DIAPH3: variants seen among roughly 807,000 people sequenced by gnomAD.
DIAPH3 encodes the protein diaphanous related formin 3, also known as protein diaphanous homolog 3.
DIAPH3 carries 117 observed loss-of-function variants against 144.3 expected under a neutral mutation model. The ratio of observed to expected loss-of-function variants is 0.81; its 90% CI spans 0.70 to 0.95. The LOEUF is 0.95. Among genes scored for constraint, DIAPH3 ranks in the 40% least tolerant of loss-of-function variants. The pLI is 0.00. For synonymous variants in DIAPH3, 519 were observed against 488.9 expected (o/e 1.06, Z -0.81); for missense variants, 1,421 against 1,412.7 (o/e 1.01, Z -0.09).
At chr13:60,094,001 TATAG>T (rs1408455067) in intron 3 of DIAPH3, among the ~76,000 whole-genome samples, 1 of 152,214 alleles carries the variant, frequency 6.6e-6, no homozygotes, top group African/African-American at 2.4e-5. Flanking sequence ...TTCACATAAC[TATAG>T]ATAATTAGAC....
At chr13:59,787,209 T>TA (rs986571585) in intron 25 of DIAPH3, among the ~76,000 whole-genome samples, 3 of 152,140 alleles carry the variant, frequency 2.0e-5, no homozygotes, top group African/African-American at 7.2e-5. Context: ...AGTAGAAGAT[T>TA]AAAAAAATGT....
chr13:59,782,966 G>T (rs1176745360), intron 25 of DIAPH3, among the ~76,000 whole-genome samples: 1 of 152,158 alleles, frequency 6.6e-6, no homozygotes, highest in Non-Finnish European at 1.5e-5. Flanking sequence ...GAGAGCCGGG[G>T]CCAACTCACC....
intron 17 of DIAPH3, among the ~76,000 whole-genome samples, chr13:59,948,664 T>C (rs1385162407): frequency 1.3e-5 from 2 of 152,140 alleles, no homozygotes; most frequent in African/African-American, 4.8e-5. Flanking sequence ...TTTTGCTATA[T>C]TGCCCAAGCT....
At chr13:59,803,630 G>A (rs1593905091) in intron 25 of DIAPH3, among the ~76,000 whole-genome samples, 1 of 152,126 alleles carries the variant, frequency 6.6e-6, no homozygotes, top group African/African-American at 2.4e-5. Flanking sequence ...AGTTATGTTG[G>A]AAGTCTGAGA....
At chr13:59,772,338 A>C (rs1330284653) in intron 27 of DIAPH3, among the ~76,000 whole-genome samples, 1 of 152,078 alleles carries the variant, frequency 6.6e-6, no homozygotes, top group African/African-American at 2.4e-5. Context: ...TAGAAATATG[A>C]AGGGAAAACA....
rs142949321 is a variant in DIAPH3, at chr13:60,066,737, A to G, written c.496-23917T>C. On this transcript the variant is annotated intron_variant, in intron 4 of 27. Coordinates refer to ENST00000400324, the MANE Select transcript of DIAPH3 (RefSeq NM_001042517.2). ...ATTAGAATTCTTGTGAAAATCAGAA[A>G]TGGCACATGCCATATGAATTTTAAA... 3.5e-3 allele frequency among the ~76,000 whole-genome samples: 536 copies of G among 152,358 alleles called. 4 individuals are homozygous for G. The highest frequency in any genetic ancestry group is 0.013 in the African/African-American group (521 of 41,580).
In DIAPH3 at chr13:59,974,464, A is replaced by T. The variant is rs549572082; in HGVS notation, c.1546-8T>A. The T allele has an allele frequency of 6.2e-7, 1 of 1,600,792 alleles. No homozygotes were observed. Among genetic ancestry groups the T allele is most frequent in the South Asian group, 1.1e-5 (1 of 90,804 alleles). On this transcript the variant is annotated splice_polypyrimidine_tract_variant and splice_region_variant and intron_variant, in intron 14 of 27. Coordinates refer to ENST00000400324, the MANE Select transcript of DIAPH3 (RefSeq NM_001042517.2). ...GGTAAACTCTTTTTCAAACTGAAAC[A>T]AATTAAAAATAATAACAAAAACAGG...
chr13:60,009,933 C>G (rs771460592), intron 8 of DIAPH3, among the ~76,000 whole-genome samples: 10 of 151,944 alleles, frequency 6.6e-5, no homozygotes, highest in Non-Finnish European at 1.5e-4. Context: ...TAATTAGAAC[C>G]CTAATTTTTA....
intron 27 of DIAPH3, among the ~76,000 whole-genome samples, chr13:59,729,214 C>A (rs751856193): frequency 3.3e-5 from 5 of 152,180 alleles, no homozygotes; most frequent in Non-Finnish European, 7.3e-5. Flanking sequence ...AGCCAGCACT[C>A]ATCTTGGCAG....
chr13:60,114,273 A>G (rs79013060), intron 2 of DIAPH3, among the ~76,000 whole-genome samples: 1 of 88,508 alleles, frequency 1.1e-5, no homozygotes, highest in East Asian at 2.4e-4. Context: ...ACAGATTAAG[A>G]AAAAAAAAAA....
At chr13:59,802,152 T>G (rs1449790386) in intron 25 of DIAPH3, among the ~76,000 whole-genome samples, 1 of 152,172 alleles carries the variant, frequency 6.6e-6, no homozygotes, top group Admixed American at 6.5e-5. Flanking sequence ...CACACTGATA[T>G]TTCCATCTTG....
intron 27 of DIAPH3, among the ~76,000 whole-genome samples, chr13:59,732,232 T>C (rs1393837021): frequency 7.6e-6 from 1 of 131,496 alleles, no homozygotes; most frequent in Non-Finnish European, 1.6e-5. Context: ...TTATATTCAG[T>C]ATCTCAAGTA....
chr13:59,762,225 C>T (rs969380716), intron 27 of DIAPH3, among the ~76,000 whole-genome samples: 2 of 151,882 alleles, frequency 1.3e-5, no homozygotes, highest in East Asian at 1.9e-4. Context: ...CCACACCCAG[C>T]TAATTTTTTG....
chr13:59,806,548 T>C (rs1163249438), intron 25 of DIAPH3, among the ~76,000 whole-genome samples: 2 of 152,006 alleles, frequency 1.3e-5, no homozygotes, highest in African/African-American at 4.8e-5. Flanking sequence ...ATTTTGTTAC[T>C]ACCACCAGCC....
intron 25 of DIAPH3, among the ~76,000 whole-genome samples, chr13:59,801,042 A>G (rs1752654309): frequency 6.6e-6 from 1 of 152,204 alleles, no homozygotes; most frequent in Admixed American, 6.5e-5. Flanking sequence ...TTAAAAAAGT[A>G]CTTTTATTCA....
At chr13:59,932,547 AC>A (rs1743138815) in intron 17 of DIAPH3, among the ~76,000 whole-genome samples, 1 of 152,176 alleles carries the variant, frequency 6.6e-6, no homozygotes, top group African/African-American at 2.4e-5. Context: ...TTAAAAAAAA[AC>A]AAATACAAGC....
intron 20 of DIAPH3, among the ~76,000 whole-genome samples, chr13:59,881,772 A>T (rs2140070166): frequency 6.6e-6 from 1 of 152,314 alleles, no homozygotes; most frequent in East Asian, 1.9e-4. Flanking sequence ...AGGCAAAGTC[A>T]GGAAATGTAA....
chr13:59,730,751 A>G (rs2138978173), intron 27 of DIAPH3, among the ~76,000 whole-genome samples: 1 of 152,298 alleles, frequency 6.6e-6, no homozygotes, highest in Non-Finnish European at 1.5e-5. Context: ...CCTTCCTTGA[A>G]TCTTCCATTT....
At chr13:59,771,757 G>T (rs2038131720) in intron 27 of DIAPH3, among the ~76,000 whole-genome samples, 1 of 152,168 alleles carries the variant, frequency 6.6e-6, no homozygotes, top group East Asian at 1.9e-4. Flanking sequence ...TTTAATACTT[G>T]ACTAGTTTCG....
Sources: allele counts gnomAD v4.1 joint callset (sites outside exome capture counted in the v4.1 genomes callset), GRCh38; gene constraint gnomAD v4.1.1; transcripts MANE v1.5; gene names NCBI Gene and HGNC (gene_info 2026-07-23, HGNC 2026-07-21).